The following ATAD2B variants were observed in gnomAD, a reference collection of about 807,000 sequenced individuals.
ATAD2B encodes the protein ATPase family AAA domain containing 2B.
In ATAD2B, 40 loss-of-function variants were observed where a neutral mutation model predicts 167.6. The ratio of observed to expected loss-of-function variants is 0.24; its 90% CI spans 0.19 to 0.31. The LOEUF (loss-of-function observed/expected upper bound fraction) is 0.31, where lower values mean the gene tolerates loss of function less well. Ranked by LOEUF, ATAD2B falls within the 10% of genes least tolerant of loss-of-function variation. The probability of loss-of-function intolerance (pLI) is 1.00; values close to 1 mark genes in which losing one functional copy is unlikely to be tolerated. For synonymous variants in ATAD2B, 579 were observed against 596.5 expected, an observed-to-expected ratio of 0.97 and a Z score of 0.43; for missense variants, 1,242 against 1,757.2, an observed-to-expected ratio of 0.71 and a Z score of 5.24.
chr2:23,782,804 G>T, intron 22 of ATAD2B, 65 bp downstream of exon 22: 2 of 1,363,414 alleles, frequency 1.5e-6, no homozygotes, highest in Non-Finnish European at 2.0e-6. Context: ...GCATGACTTA[G>T]TATTTAAACG....
chr2:23,758,700 T>TA (rs1676247730), intron 24 of ATAD2B, among the ~76,000 whole-genome samples: 1 of 152,234 alleles, frequency 6.6e-6, no homozygotes, highest in Non-Finnish European at 1.5e-5. Context: ...AGCCAACTGT[T>TA]AATCTCTTCT....
chr2:23,695,077 G>C, the ATAD2B span, among the ~76,000 whole-genome samples: 142 of 152,270 alleles, frequency 9.3e-4, 1 homozygote, highest in Middle Eastern at 3.4e-3. This position sits in a 1 kb window ranked among gnomAD's most constrained non-coding sequence, Gnocchi z 7.6. Context: ...AACCACCTCA[G>C]TGCAGGGTGA....
At chr2:23,790,638 C>T (rs374675332) in intron 19 of ATAD2B, among the ~76,000 whole-genome samples, 5 of 152,116 alleles carry the variant, frequency 3.3e-5, no homozygotes, top group African/African-American at 1.2e-4. Context: ...CAGTCCTAGC[C>T]TCAAACTTCA....
At chr2:23,768,162 A>G (rs1350143511) in intron 22 of ATAD2B, among the ~76,000 whole-genome samples, 5 of 152,184 alleles carry the variant, frequency 3.3e-5, no homozygotes, top group Non-Finnish European at 7.3e-5. Context: ...TAGACATATA[A>G]TAAGTTGCTC....
intron 2 of ATAD2B, among the ~76,000 whole-genome samples, chr2:23,895,059 A>G (rs1288761413): frequency 1.3e-5 from 2 of 152,196 alleles, no homozygotes; most frequent in Non-Finnish European, 2.9e-5. Flanking sequence ...GAATAAAAAC[A>G]AAGGACTTCC....
chr2:23,687,022 G>A, the ATAD2B span, among the ~76,000 whole-genome samples: 1 of 152,116 alleles, frequency 6.6e-6, no homozygotes, highest in African/African-American at 2.4e-5. Context: ...GGTCAAGAGA[G>A]AAGCTGATGT....
chr2:23,688,703 A>C, the ATAD2B span: 3 of 147,598 alleles, frequency 2.0e-5, no homozygotes, highest in East Asian at 2.0e-4. Flanking sequence ...TCTATACCCC[A>C]CCCCCCTGCG....
Position 23,863,365 on chromosome 2 carries a change from A to T in ATAD2B, c.1479+16T>A. 1 of 1,546,176 alleles carries T rather than the reference A, an allele frequency of 6.5e-7. No individual in the cohort carries two copies. Among genetic ancestry groups the T allele is most frequent in the Non-Finnish European group, 8.7e-7 (1 of 1,145,316 alleles). On this transcript the variant is annotated intron_variant, in intron 12 of 27. Transcript: ENST00000238789. ...ACAGAACAGAAAAGACTCTTGAATT[A>T]GATGATTTCTCTTACCTGATCAAAA...
chr2:23,705,486 G>A, the ATAD2B span, among the ~76,000 whole-genome samples: 10 of 150,498 alleles, frequency 6.6e-5, no homozygotes, highest in East Asian at 2.0e-4. Flanking sequence ...GTATGACTCC[G>A]TCTCAAAAAA....
At chr2:23,862,280 G>C (rs1406573467) in intron 12 of ATAD2B, among the ~76,000 whole-genome samples, 1 of 151,890 alleles carries the variant, frequency 6.6e-6, no homozygotes, top group Non-Finnish European at 1.5e-5. Context: ...CTCAAAGCTT[G>C]AAGTTATTTT....
intron 10 of ATAD2B, among the ~76,000 whole-genome samples, chr2:23,867,496 C>T (rs1695309625): frequency 6.6e-6 from 1 of 152,174 alleles, no homozygotes; most frequent in South Asian, 2.1e-4. Flanking sequence ...CCCCCAAATT[C>T]ATTAACTATA....
chr2:23,732,677 T>C, the ATAD2B span, among the ~76,000 whole-genome samples: 1 of 152,208 alleles, frequency 6.6e-6, no homozygotes, highest in South Asian at 2.1e-4. Flanking sequence ...CAGCCCACTG[T>C]ACCCCCAAAC....
the ATAD2B span, among the ~76,000 whole-genome samples, chr2:23,682,008 C>G: frequency 6.6e-6 from 1 of 152,094 alleles, no homozygotes; most frequent in Middle Eastern, 3.2e-3. The surrounding 1 kb of genome is among the most constrained non-coding windows in gnomAD (Gnocchi z 4.1). Flanking sequence ...CCCCATCCCC[C>G]AGGTGTCCCA....
intron 13 of ATAD2B, among the ~76,000 whole-genome samples, chr2:23,854,554 T>C (rs908081089): frequency 6.6e-6 from 1 of 151,894 alleles, no homozygotes; most frequent in African/African-American, 2.4e-5. Flanking sequence ...GGCAGGCACC[T>C]GTAATCCCAG....
At chr2:23,682,838 C>T in the ATAD2B span, among the ~76,000 whole-genome samples, 1 of 152,188 alleles carries the variant, frequency 6.6e-6, no homozygotes, top group Non-Finnish European at 1.5e-5. This position sits in a 1 kb window ranked among gnomAD's most constrained non-coding sequence, Gnocchi z 4.1. Flanking sequence ...TGGAGATGCT[C>T]TGCTGTGACT....
the ATAD2B span, among the ~76,000 whole-genome samples, chr2:23,729,542 A>C: frequency 6.6e-6 from 1 of 152,030 alleles, no homozygotes; most frequent in Non-Finnish European, 1.5e-5. Flanking sequence ...CCTCTGCGCA[A>C]CTCATCAGAA....
rs1486808922 is a variant in ATAD2B at position 23,866,500 on chromosome 2, T to C, written c.1188+1335A>G. ...CTGTAAATGGACAGATGAAAATAAA[T>C]GAAAGGAAAATAAAAATGAAGAAAA... On this transcript the variant is annotated intron_variant, in intron 10 of 27. Coordinates refer to ENST00000238789, the MANE Select transcript of ATAD2B (RefSeq NM_017552.4). 3.3e-5 allele frequency among the ~76,000 whole-genome samples: 5 copies of C among 151,544 alleles called. No homozygotes were observed. The East Asian group carries it at 9.7e-4, about 29-fold the overall frequency.
At chr2:23,735,665 C>G in the ATAD2B span, among the ~76,000 whole-genome samples, 1 of 152,150 alleles carries the variant, frequency 6.6e-6, no homozygotes, top group African/African-American at 2.4e-5. Flanking sequence ...TCTAAACAAC[C>G]AGAATTCCAG....
chr2:23,878,026 A>AAAAAAAAAAAAAG (rs1697257874), intron 7 of ATAD2B, among the ~76,000 whole-genome samples: 2 of 129,326 alleles, frequency 1.5e-5, no homozygotes, highest in Non-Finnish European at 3.4e-5. Flanking sequence ...AAAAAAAAAA[A>AAAAAAAAAAAAAG]AAAAAAAAAA....
Sources: allele counts gnomAD v4.1 joint callset (sites outside exome capture counted in the v4.1 genomes callset), GRCh38; gene constraint gnomAD v4.1.1; non-coding constraint Gnocchi (gnomAD v3.1); transcripts MANE v1.5; gene names NCBI Gene and HGNC (gene_info 2026-07-23, HGNC 2026-07-21).